Variants in FAM83E observed in about 807,000 individuals in gnomAD.
The protein encoded by FAM83E is protein FAM83E.
Under a neutral mutation model 34.3 loss-of-function variants are expected in FAM83E, and 29 were observed. The ratio of observed to expected loss-of-function variants is 0.85; its 90% CI spans 0.63 to 1.15. FAM83E has a LOEUF of 1.15. FAM83E is among the 50% of genes most tolerant of loss of function. The pLI is 0.00. For synonymous variants in FAM83E, 312 were observed against 311.6 expected (o/e 1.00, Z -0.01); for missense variants, 697 against 685.0 (o/e 1.02, Z -0.20).
chr19:48,600,569 G>A lies in FAM83E; in HGVS notation c.*540C>T, dbSNP rs1266300714. ...GGTTGGTCTTGAACTCCTGACCTCA[G>A]GTGATCCACATGCCTCAGCCTCCCA... On this transcript the variant is annotated 3_prime_UTR_variant, in exon 7 of 7. Coordinates refer to ENST00000263266, the MANE Select transcript of FAM83E (RefSeq NM_017708.4). Among the ~76,000 whole-genome samples the A allele has an allele frequency of 6.6e-6, 1 of 151,978 alleles. No homozygotes were observed. The highest frequency in any genetic ancestry group is 2.4e-5 in the African/African-American group (1 of 41,398).
chr19:48,613,178 C>T lies in FAM83E; in HGVS notation c.195G>A (p.Gln65=). 1 of 1,612,218 alleles carries T rather than the reference C, an allele frequency of 6.2e-7. No individual in the cohort carries two copies. The highest frequency in any genetic ancestry group is 8.5e-7 in the Non-Finnish European group (1 of 1,179,926). ...AGTCTTCAGCTGCCGCTGCCAAGCC[C>T]TGAACCTCATCCGCACTGAGGAAGG... ...LWPFLSADEV[Q]GLAAAAEDWT... Residue 65 remains glutamine, a synonymous_variant, in exon 3 of 7, where the codon CAG becomes CAA. Transcript: ENST00000263266.
At chr19:48,605,441 G>T (rs535490486) in intron 5 of FAM83E, among the ~76,000 whole-genome samples, 1 of 152,312 alleles carries the variant, frequency 6.6e-6, no homozygotes, top group South Asian at 2.1e-4. Flanking sequence ...CGGGCATGGT[G>T]GTGCACGCCT....
At chr19:48,601,805 G>A (rs187221255) in intron 6 of FAM83E, among the ~76,000 whole-genome samples, 2 of 150,920 alleles carry the variant, frequency 1.3e-5, no homozygotes, top group African/African-American at 4.9e-5. Flanking sequence ...TGAGGGAGGT[G>A]GAAGGAGATG....
intron 4 of FAM83E, 38 bp downstream of exon 4, chr19:48,610,642 G>A: frequency 6.5e-7 from 1 of 1,541,996 alleles, no homozygotes; most frequent in South Asian, 1.2e-5. Flanking sequence ...CATGCCAGGG[G>A]AATGGGGACT....
rs533180990 is a variant in FAM83E at position 48,600,635 on chromosome 19, T to G, written c.*474A>C. On this transcript the variant is annotated 3_prime_UTR_variant, in exon 7 of 7. Transcript: ENST00000263266. ...AGGAGTGAGCCACCTCGATCAGCCT[T>G]TCTTTTTCTTTTTTCTTTTTTTTTT... Among the ~76,000 whole-genome samples the G allele has an allele frequency of 6.7e-6, 1 of 149,358 alleles. No homozygotes were observed. The highest frequency in any genetic ancestry group is 2.1e-4 in the South Asian group (1 of 4,674).
At chr19:48,602,496 G>A (rs1465471849) in intron 6 of FAM83E, among the ~76,000 whole-genome samples, 2 of 150,456 alleles carry the variant, frequency 1.3e-5, no homozygotes, top group Non-Finnish European at 3.0e-5. Context: ...CGGAAGCGCC[G>A]GCATCTGCCA....
intron 5 of FAM83E, among the ~76,000 whole-genome samples, chr19:48,608,430 TCTTTTC>T (rs1233150733): frequency 6.8e-6 from 1 of 146,552 alleles, no homozygotes; most frequent in Non-Finnish European, 1.5e-5. Flanking sequence ...GTTTTCTTTT[TCTTTTC>T]CTTTTTTTTT....
rs869031073 is a variant in FAM83E at position 48,609,265 on chromosome 19, CTTTTTTTTTT to C, written c.758+601_758+610del. Among the ~76,000 whole-genome samples, 9 of 99,700 alleles carry C rather than the reference CTTTTTTTTTT, an allele frequency of 9.0e-5. No homozygotes were observed. The East Asian group carries it at 1.3e-3, about 14-fold the overall frequency. 65.4% of individuals were successfully genotyped at this position (99,700 alleles called of 152,430 possible). ...GTTATTATTTGCAGTTTCTTTCTTTCTTTTTTTTTTTTTTTTTTTTTTGCTTTTTTGAGAT... is the reference window on the plus strand; with the variant it reads ...GTTATTATTTGCAGTTTCTTTCTTTCTTTTTTTTTTTTGCTTTTTTGAGAT... On this transcript the variant is annotated intron_variant, in intron 5 of 6. Coordinates refer to ENST00000263266, the MANE Select transcript of FAM83E (RefSeq NM_017708.4).
rs1201635520 is a variant in FAM83E, at chr19:48,600,643, CTTTTTTCTTTTTTT to C, written c.*452_*465del. ...GCCACCTCGATCAGCCTTTCTTTTTCTTTTTTCTTTTTTTTTTTTTTTTAAAGAGATGGCCTCTC... is the reference window on the plus strand; with the variant it reads ...GCCACCTCGATCAGCCTTTCTTTTTCTTTTTTTTTAAAGAGATGGCCTCTC... On this transcript the variant is annotated 3_prime_UTR_variant, in exon 7 of 7. Transcript: ENST00000263266. Among the ~76,000 whole-genome samples, 1 of 146,714 alleles carries C rather than the reference CTTTTTTCTTTTTTT, an allele frequency of 6.8e-6. No individual in the cohort carries two copies. Among genetic ancestry groups the C allele is most frequent in the Non-Finnish European group, 1.5e-5 (1 of 66,426 alleles).
rs140594650 is a variant in FAM83E, at chr19:48,603,275, C to G, written c.1176+219G>C. Reference sequence around the variant, plus strand: ...TGCCAGGATTTGCACCCAGGGCTCTCCTGTCTCTGCCCCATGCCACCCAGC... The same window carrying G: ...TGCCAGGATTTGCACCCAGGGCTCTGCTGTCTCTGCCCCATGCCACCCAGC... On this transcript the variant is annotated intron_variant, in intron 6 of 6. Coordinates refer to ENST00000263266, the MANE Select transcript of FAM83E (RefSeq NM_017708.4). 2.4e-3 allele frequency among the ~76,000 whole-genome samples: 364 copies of G among 152,256 alleles called. 1 individual carries two copies. Among genetic ancestry groups the G allele is most frequent in the African/African-American group, 8.4e-3 (349 of 41,554 alleles).
chr19:48,612,944 C>T lies in FAM83E; in HGVS notation c.429G>A (p.Lys143=). The change falls in exon 3 of 7, where the codon AAG becomes AAA. Residue 143 remains lysine (K), a synonymous_variant. Coordinates refer to ENST00000263266, the MANE Select transcript of FAM83E (RefSeq NM_017708.4). ...QPPGEGQPPL[K]ELVRLEIQAA... ...CCTGGATCTCCAGCCGCACCAGCTCCTTGAGGGGCGGCTGACCCTCTCCAG... is the reference window on the plus strand; with the variant it reads ...CCTGGATCTCCAGCCGCACCAGCTCTTTGAGGGGCGGCTGACCCTCTCCAG... 1.3e-6 allele frequency: 2 copies of T among 1,585,082 alleles called. No homozygotes were observed. Among genetic ancestry groups the T allele is most frequent in the South Asian group, 2.3e-5 (2 of 87,488 alleles).
intron 5 of FAM83E, among the ~76,000 whole-genome samples, chr19:48,605,887 T>C (rs1255858473): frequency 6.6e-6 from 1 of 151,934 alleles, no homozygotes; most frequent in Non-Finnish European, 1.5e-5. Flanking sequence ...AAGAAATAAA[T>C]ACAACATAGG....
chr19:48,601,483 G>A (rs988272429), intron 6 of FAM83E, 114 bp from the exon 7 acceptor site: 35 of 1,471,830 alleles, frequency 2.4e-5, no homozygotes, highest in Middle Eastern at 2.4e-4. Context: ...AGTGACAGAC[G>A]GCCAGGCACG....
Position 48,613,977 on chromosome 19 carries a change from C to A in FAM83E, c.-605G>T, listed in dbSNP as rs1401090318. On this transcript the variant is annotated 5_prime_UTR_variant, in exon 3 of 7. Coordinates refer to ENST00000263266, the MANE Select transcript of FAM83E (RefSeq NM_017708.4). ...ACTGTCTGGCAAACGCCAATGGCTT[C>A]CGACTGACAGTCACAGTATCTGCCT... 59 of 985,400 alleles carry A rather than the reference C, an allele frequency of 6.0e-5. No homozygotes were observed. Among genetic ancestry groups the A allele is most frequent in the Non-Finnish European group, 6.0e-6 (5 of 829,944 alleles). 61.0% of individuals were successfully genotyped at this position (985,400 alleles called of 1,614,324 possible).
chr19:48,613,402 T>A lies in FAM83E; in HGVS notation c.-30A>T, dbSNP rs1201919428. 1.3e-6 allele frequency: 2 copies of A among 1,495,828 alleles called. No homozygotes were observed. The highest frequency in any genetic ancestry group is 1.4e-5 in the African/African-American group (1 of 72,002). 92.7% of individuals were successfully genotyped at this position (1,495,828 alleles called of 1,614,324 possible). ...GTCACTCGGGTGGGAGGACTGACTG[T>A]GAGAGGCTGGGTCCCCGGGGGTCTG... On this transcript the variant is annotated 5_prime_UTR_variant, in exon 3 of 7. Transcript: ENST00000263266.
Position 48,601,230 on chromosome 19 carries a change from AGGCGGTG to A in FAM83E, c.1309_1315del (p.His437SerfsTer102). 1.2e-6 allele frequency: 2 copies of A among 1,608,378 alleles called. No individual in the cohort carries two copies. Among genetic ancestry groups the A allele is most frequent in the Non-Finnish European group, 1.7e-6 (2 of 1,176,670 alleles). On this transcript the variant is annotated frameshift_variant, in exon 7 of 7. Transcript: ENST00000263266. LOFTEE classifies it low-confidence loss of function (END_TRUNC). ...CCTTCGGGCTGGGGACAGATAGCGG[AGGCGGTG>A]GGCGGGGGGCAGGGGCAGGGCACCG...
At chr19:48,610,583 C>T in intron 4 of FAM83E, 97 bp downstream of exon 4, 1 of 1,358,246 alleles carries the variant, frequency 7.4e-7, no homozygotes, top group South Asian at 1.5e-5. Flanking sequence ...CTGCTAGCAT[C>T]CATCTCAATG....
At chr19:48,610,875 T>A (rs1180154187) in intron 3 of FAM83E, 28 bp from the exon 4 acceptor site, 5 of 1,571,788 alleles carry the variant, frequency 3.2e-6, no homozygotes, top group Non-Finnish European at 2.6e-6. Context: ...GGCGGTGGGC[T>A]TGTGAACGGA....
chr19:48,609,848 G>A lies in FAM83E; in HGVS notation c.758+28C>T, dbSNP rs1437063394. Reference sequence around the variant, plus strand: ...GGGAAAGTGGGGTATAGGACGCCGGGAGGTGGGGGGCGGGGCGGGGGCTAC... The same window carrying A: ...GGGAAAGTGGGGTATAGGACGCCGGAAGGTGGGGGGCGGGGCGGGGGCTAC... On this transcript the variant is annotated intron_variant, in intron 5 of 6. Coordinates refer to ENST00000263266, the MANE Select transcript of FAM83E (RefSeq NM_017708.4). 9 of 1,609,528 alleles carry A rather than the reference G, an allele frequency of 5.6e-6. No individual in the cohort carries two copies. In the Admixed American group the frequency reaches 1.2e-4, roughly 21 times the overall value.
Sources: allele counts gnomAD v4.1 joint callset (sites outside exome capture counted in the v4.1 genomes callset), GRCh38; gene constraint gnomAD v4.1.1; transcripts MANE v1.5; gene names NCBI Gene and HGNC (gene_info 2026-07-23, HGNC 2026-07-21).